Variants in IKBKB observed in about 807,000 individuals in gnomAD.
The protein encoded by IKBKB is inhibitor of nuclear factor kappa B kinase subunit beta, also known as inhibitor of nuclear factor kappa-B kinase subunit beta.
Under a neutral mutation model 113.6 loss-of-function variants are expected in IKBKB, and 42 were observed. The ratio of observed to expected loss-of-function variants is 0.37; its 90% confidence interval spans 0.29 to 0.48. The LOEUF is 0.48. IKBKB is among the 20% of genes least tolerant of loss of function. The pLI is 0.99. For missense variants in IKBKB, 673 were observed against 939.7 expected (o/e 0.72, Z 3.71); for synonymous variants, 296 against 361.3 (o/e 0.82, Z 2.05).
intron 20 of IKBKB, 126 bp downstream of exon 20, chr8:42,326,223 T>C: frequency 8.5e-7 from 1 of 1,182,682 alleles, no homozygotes; most frequent in Non-Finnish European, 1.2e-6. Context: ...GTTTGTTGCA[T>C]CTGCTGGGTC....
chr8:42,295,965 G>T (rs375573916), intron 5 of IKBKB, among the ~76,000 whole-genome samples: 3 of 152,258 alleles, frequency 2.0e-5, no homozygotes, highest in South Asian at 4.1e-4. Context: ...ATGAAAACAG[G>T]TGCTTCTTCT....
chr8:42,314,176 G>T (rs1818236120), intron 8 of IKBKB, 146 bp from the exon 9 acceptor site: 6 of 678,904 alleles, frequency 8.8e-6, no homozygotes, highest in Admixed American at 2.1e-5. Context: ...TAGGGTGTAC[G>T]ATACAGCCTA....
rs776565784 is a variant in IKBKB at position 42,272,073 on chromosome 8, T to A, written c.-18-10T>A. On this transcript the variant is annotated splice_polypyrimidine_tract_variant and intron_variant, in intron 1 of 21. Coordinates refer to ENST00000520810, the MANE Select transcript of IKBKB (RefSeq NM_001556.3). ...CCTAACCTTTTTTCCCCATCCCAAA[T>A]TGCTTATAGAGTTAGCACGACATCA... The A allele has an allele frequency of 6.2e-7, 1 of 1,603,002 alleles. No homozygotes were observed. The highest frequency in any genetic ancestry group is 2.2e-5 in the East Asian group (1 of 44,680).
intron 5 of IKBKB, among the ~76,000 whole-genome samples, chr8:42,295,235 G>A (rs1813512126): frequency 6.8e-6 from 1 of 147,126 alleles, no homozygotes; most frequent in African/African-American, 2.5e-5. Flanking sequence ...TCTCCTCCAT[G>A]AGCCTCCTGA....
intron 2 of IKBKB, among the ~76,000 whole-genome samples, chr8:42,284,536 C>T (rs1176661637): frequency 1.3e-5 from 2 of 149,398 alleles, no homozygotes; most frequent in Admixed American, 6.7e-5. Flanking sequence ...GAGCCGAGGT[C>T]GTGCCACTGC....
chr8:42,322,319 A>G (rs1172082349), intron 18 of IKBKB, 28 bp from the exon 19 acceptor site: 2 of 1,613,428 alleles, frequency 1.2e-6, no homozygotes, highest in Admixed American at 3.3e-5. Flanking sequence ...CCCAAATGCC[A>G]TTAGTTTGCC....
At chr8:42,302,441 C>T (rs983534856) in intron 5 of IKBKB, among the ~76,000 whole-genome samples, 5 of 152,032 alleles carry the variant, frequency 3.3e-5, no homozygotes, top group African/African-American at 9.7e-5. Context: ...ACCACATGGT[C>T]GAAGGCTGGA....
At chr8:42,329,923 G>C in intron 21 of IKBKB, 7 of 985,420 alleles carry the variant, frequency 7.1e-6, no homozygotes, top group Non-Finnish European at 8.4e-6. Flanking sequence ...TAAGCTTTTG[G>C]AAGAATTACA....
rs1446069169 is a variant in IKBKB at position 42,322,141 on chromosome 8, A to G, written c.1826A>G (p.Tyr609Cys). Reference protein sequence around the residue: ...QSFEKKVRVIYTQLSKTVVCK... With the variant: ...QSFEKKVRVICTQLSKTVVCK... Reference sequence around the variant, plus strand: ...TTCGAGAAGAAAGTGCGAGTGATCTATACGCAGCTCAGGTATGAGCCCCGA... The same window carrying G: ...TTCGAGAAGAAAGTGCGAGTGATCTGTACGCAGCTCAGGTATGAGCCCCGA... The change falls in exon 18 of 22, where the codon TAT (tyrosine) becomes TGT (cysteine). Residue 609 changes from tyrosine to cysteine, a missense_variant. Tyr to Cys is a radical substitution (Grantham distance 194). Coordinates refer to ENST00000520810, the MANE Select transcript of IKBKB (RefSeq NM_001556.3). 16 of 1,613,470 alleles carry G rather than the reference A, an allele frequency of 9.9e-6. No homozygotes were observed. The highest frequency in any genetic ancestry group is 1.2e-5 in the Non-Finnish European group (14 of 1,179,712).
chr8:42,310,027 ATGT>A (rs1237430380), intron 8 of IKBKB, among the ~76,000 whole-genome samples: 1 of 152,248 alleles, frequency 6.6e-6, no homozygotes, highest in African/African-American at 2.4e-5. Flanking sequence ...TGTGTACATC[ATGT>A]TGTACAGGAT....
At chr8:42,310,563 A>G (rs1342626045) in intron 8 of IKBKB, among the ~76,000 whole-genome samples, 1 of 152,204 alleles carries the variant, frequency 6.6e-6, no homozygotes, top group Non-Finnish European at 1.5e-5. Context: ...TTTTGAGCCA[A>G]TTTATCTGCA....
chr8:42,304,328 G>A (rs1294181343), intron 5 of IKBKB, among the ~76,000 whole-genome samples: 1 of 152,154 alleles, frequency 6.6e-6, no homozygotes, highest in African/African-American at 2.4e-5. Context: ...CTAGATGTCT[G>A]TCAAAGTTAT....
At chr8:42,314,577 C>G in intron 9 of IKBKB, 148 bp downstream of exon 9, 2 of 613,372 alleles carry the variant, frequency 3.3e-6, no homozygotes, top group Admixed American at 2.5e-5. Flanking sequence ...GAGTTCAAGA[C>G]CAGCCTGGCC....
In IKBKB at chr8:42,312,080, G is replaced by A. The variant is rs535625190; in HGVS notation, c.693-2242G>A. 3.0e-4 allele frequency among the ~76,000 whole-genome samples: 46 copies of A among 152,274 alleles called. No homozygotes were observed. The East Asian group carries it at 7.3e-3, about 24-fold the overall frequency. Reference sequence around the variant, plus strand: ...TTTTTGTATTTTTAGTAGAGATGGGGTTTCACCGTGTTAGCCAGGATGGTC... The same window carrying A: ...TTTTTGTATTTTTAGTAGAGATGGGATTTCACCGTGTTAGCCAGGATGGTC... On this transcript the variant is annotated intron_variant, in intron 8 of 21. Coordinates refer to ENST00000520810, the MANE Select transcript of IKBKB (RefSeq NM_001556.3).
chr8:42,279,834 A>C (rs545562888), intron 2 of IKBKB, among the ~76,000 whole-genome samples: 1 of 152,112 alleles, frequency 6.6e-6, no homozygotes, highest in African/African-American at 2.4e-5. Context: ...AGGGGAAAAC[A>C]CTTCTTTATT....
Position 42,316,793 on chromosome 8 carries a change from C to T in IKBKB, c.1014C>T (p.Ala338=). The change falls in exon 11 of 22, where the codon GCC becomes GCT. Residue 338 remains alanine (A), a synonymous_variant. Transcript: ENST00000520810. This position sits in a 1 kb window ranked among gnomAD's most constrained non-coding sequence, Gnocchi z 4.5. ...TEDESLQSLK[A]RIQQDTGIPE... Reference sequence around the variant, plus strand: ...ATGAGAGTCTGCAGAGCTTGAAGGCCAGAATCCAACAGGACACGGGCATCC... The same window carrying T: ...ATGAGAGTCTGCAGAGCTTGAAGGCTAGAATCCAACAGGACACGGGCATCC... 1 of 1,614,156 alleles carries T rather than the reference C, an allele frequency of 6.2e-7. No homozygotes were observed. The highest frequency in any genetic ancestry group is 1.1e-5 in the South Asian group (1 of 91,076).
At chr8:42,304,665 AC>A (rs1215385932) in intron 5 of IKBKB, among the ~76,000 whole-genome samples, 2 of 151,900 alleles carry the variant, frequency 1.3e-5, no homozygotes, top group African/African-American at 4.8e-5. Flanking sequence ...GCCAGTTCTG[AC>A]CTCTTGGGAC....
intron 5 of IKBKB, chr8:42,298,287 G>C (rs1400606820): frequency 1.0e-6 from 1 of 985,276 alleles, no homozygotes; most frequent in Non-Finnish European, 1.2e-6. Flanking sequence ...GCCTTTCCTG[G>C]ATTCTGCAGG....
chr8:42,314,692 T>C (rs1180829890), intron 9 of IKBKB, among the ~76,000 whole-genome samples: 1 of 151,686 alleles, frequency 6.6e-6, no homozygotes, highest in Non-Finnish European at 1.5e-5. Context: ...GGAGAATCAC[T>C]TGAACCCGGG....
Sources: allele counts gnomAD v4.1 joint callset (sites outside exome capture counted in the v4.1 genomes callset), GRCh38; gene constraint gnomAD v4.1.1; non-coding constraint Gnocchi (gnomAD v3.1); transcripts MANE v1.5; gene names NCBI Gene and HGNC (gene_info 2026-07-23, HGNC 2026-07-21).